The following KLRG1 variants were observed in gnomAD, a reference collection of about 807,000 sequenced individuals.
KLRG1 encodes the protein killer cell lectin like receptor G1, also known as killer cell lectin-like receptor subfamily G member 1.
Under a neutral mutation model 21.8 loss-of-function variants are expected in KLRG1, and 16 were observed. The observed-to-expected ratio is 0.73, with a 90% CI of 0.50 to 1.11. The LOEUF (loss-of-function observed/expected upper bound fraction) is 1.11, where lower values mean the gene tolerates loss of function less well. Ranked by LOEUF, KLRG1 falls within the 50% of genes most tolerant of loss-of-function variation. KLRG1 has a pLI of 0.00. For synonymous variants in KLRG1, 69 were observed against 75.9 expected (o/e 0.91, Z 0.47); for missense variants, 173 against 218.3 (o/e 0.79, Z 1.31).
chr12:9,047,939 A>G, the KLRG1 span, among the ~76,000 whole-genome samples: 1 of 152,210 alleles, frequency 6.6e-6, no homozygotes, highest in African/African-American at 2.4e-5. Flanking sequence ...TTCAATACCC[A>G]TTTATCAGTA....
the KLRG1 span, chr12:9,074,803 T>C: frequency 6.3e-7 from 1 of 1,580,668 alleles, no homozygotes; most frequent in Non-Finnish European, 8.6e-7. Flanking sequence ...GAGAAAAAGA[T>C]ATTTATAAGT....
chr12:9,020,566 A>C, the KLRG1 span, among the ~76,000 whole-genome samples: 1 of 152,080 alleles, frequency 6.6e-6, no homozygotes, highest in Admixed American at 6.6e-5. Context: ...AATTATTCTG[A>C]GATTCATCCA....
the KLRG1 span, chr12:9,064,373 G>C: frequency 6.5e-6 from 1 of 153,646 alleles, no homozygotes; most frequent in Non-Finnish European, 1.5e-5. The surrounding 1 kb of genome is among the most constrained non-coding windows in gnomAD (Gnocchi z 4.0). Flanking sequence ...GAGCAGCTGC[G>C]GGAGCCGCAG....
At chr12:9,180,893 C>A in the KLRG1 span, 1 of 1,413,558 alleles carries the variant, frequency 7.1e-7, no homozygotes, top group Non-Finnish European at 9.3e-7. Flanking sequence ...ATTTTCGCAA[C>A]CTACTCATCT....
At chr12:9,027,463 C>T in the KLRG1 span, 6 of 721,364 alleles carry the variant, frequency 8.3e-6, no homozygotes, top group Admixed American at 2.0e-5. Context: ...GTTCACAAAT[C>T]TGTTGCCTGT....
the KLRG1 span, chr12:9,067,735 A>G: frequency 8.4e-7 from 1 of 1,190,236 alleles, no homozygotes; most frequent in South Asian, 1.3e-5. Context: ...GTGTTTATTC[A>G]TCAAGTCTTT....
intron 3 of KLRG1, among the ~76,000 whole-genome samples, chr12:9,006,850 G>A (rs1312796556): frequency 6.6e-6 from 1 of 152,162 alleles, no homozygotes; most frequent in Non-Finnish European, 1.5e-5. Flanking sequence ...TCAGATAGGA[G>A]GACAGAGCTA....
chr12:9,130,875 A>G, the KLRG1 span, among the ~76,000 whole-genome samples: 8 of 151,488 alleles, frequency 5.3e-5, no homozygotes, highest in South Asian at 2.1e-4. Context: ...TCATTGACAA[A>G]CCCCATGTCA....
downstream of KLRG1, among the ~76,000 whole-genome samples, chr12:9,013,405 C>CAG (rs1947658747): frequency 6.6e-6 from 1 of 152,160 alleles, no homozygotes; most frequent in Non-Finnish European, 1.5e-5. Context: ...TGCCAGAATG[C>CAG]AGAGATATGA....
chr12:9,098,335 T>G, the KLRG1 span: 2 of 180,110 alleles, frequency 1.1e-5, no homozygotes, highest in East Asian at 2.8e-4. Flanking sequence ...CTTTTTTGGT[T>G]GTTAATTTTC....
At chr12:9,034,557 C>T in the KLRG1 span, among the ~76,000 whole-genome samples, 8 of 151,866 alleles carry the variant, frequency 5.3e-5, no homozygotes, top group East Asian at 1.9e-4. Context: ...GCGATTCTTC[C>T]GCCACAGCCT....
At chr12:9,192,694 C>A in the KLRG1 span, 1 of 1,613,848 alleles carries the variant, frequency 6.2e-7, no homozygotes, top group East Asian at 2.2e-5. Context: ...TGGTCTTCTG[C>A]TACCCATGAA....
intron 1 of KLRG1, among the ~76,000 whole-genome samples, chr12:8,972,306 C>T (rs1039065530): frequency 5.3e-5 from 8 of 152,084 alleles, no homozygotes; most frequent in African/African-American, 7.2e-5. Context: ...CACAGGCACC[C>T]GCCACCACTC....
chr12:8,997,797 T>C (rs1356594275), intron 3 of KLRG1, among the ~76,000 whole-genome samples: 1 of 152,072 alleles, frequency 6.6e-6, no homozygotes, highest in African/African-American at 2.4e-5. Flanking sequence ...TTTTTTTTTT[T>C]CTTTTTGAGA....
At chr12:9,161,815 A>G in the KLRG1 span, among the ~76,000 whole-genome samples, 3 of 152,214 alleles carry the variant, frequency 2.0e-5, no homozygotes, top group Non-Finnish European at 4.4e-5. Flanking sequence ...ATGAACTTAA[A>G]TGTAAATTAT....
At chr12:9,087,826 T>C in the KLRG1 span, among the ~76,000 whole-genome samples, 1 of 152,096 alleles carries the variant, frequency 6.6e-6, no homozygotes, top group Non-Finnish European at 1.5e-5. Flanking sequence ...AAACTATGCA[T>C]ATCTATGCAT....
the KLRG1 span, chr12:9,109,895 T>C: frequency 6.2e-7 from 1 of 1,611,494 alleles, no homozygotes; most frequent in Non-Finnish European, 8.5e-7. Flanking sequence ...AAGGGTGCTC[T>C]GTCCTTCCAC....
chr12:9,068,673 A>G, the KLRG1 span: 38 of 1,272,958 alleles, frequency 3.0e-5, no homozygotes, highest in Non-Finnish European at 4.0e-5. Context: ...ACCCCAACAC[A>G]TCTCCTAAAC....
chr12:8,979,071 A>G (rs1034230105), intron 1 of KLRG1, among the ~76,000 whole-genome samples: 10 of 142,574 alleles, frequency 7.0e-5, no homozygotes, highest in Admixed American at 7.3e-5. Context: ...CTGGAGTGCA[A>G]TGGTGCAATG....
Sources: allele counts gnomAD v4.1 joint callset (sites outside exome capture counted in the v4.1 genomes callset), GRCh38; gene constraint gnomAD v4.1.1; non-coding constraint Gnocchi (gnomAD v3.1); transcripts MANE v1.5; gene names NCBI Gene and HGNC (gene_info 2026-07-23, HGNC 2026-07-21).